NMB: variants seen among roughly 807,000 people sequenced by gnomAD.
The protein encoded by NMB is neuromedin B.
In NMB, 12 loss-of-function variants were observed where a neutral mutation model predicts 11.7. That is an observed-to-expected ratio of 1.03 (90% CI 0.66 to 1.66). The LOEUF (loss-of-function observed/expected upper bound fraction) is 1.66, where lower values mean the gene tolerates loss of function less well. NMB is among the 40% of genes most tolerant of loss of function. The pLI is 0.00. For synonymous variants in NMB, 76 were observed against 72.6 expected, an observed-to-expected ratio of 1.05 and a Z score of -0.24; for missense variants, 174 against 157.9, an observed-to-expected ratio of 1.10 and a Z score of -0.55.
rs780963062 is a variant in NMB at position 84,657,266 on chromosome 15, C to A, written c.240G>T (p.Gln80His). 6.2e-7 allele frequency: 1 copy of A among 1,608,180 alleles called. No individual in the cohort carries two copies. The highest frequency in any genetic ancestry group is 8.5e-7 in the Non-Finnish European group (1 of 1,177,510). ...GCAGATCATGACTCAGCTGCAGTCG[C>A]TGGTCCCTCAGGGAGGTGTGGGGAG... ...GTAPHTSLRD[Q>H]RLQLSHDLLG... The change falls in exon 2 of 3, where the codon CAG (glutamine) becomes CAT (histidine). Residue 80 changes from glutamine (Q) to histidine (H), a missense_variant. Gln to His is a conservative substitution (Grantham distance 24, BLOSUM62 0). This residue lies in a region of NMB where 168 missense variants were observed against 138.4 expected (regional missense o/e 1.21). Transcript: ENST00000360476.
intron 2 of NMB, among the ~76,000 whole-genome samples, chr15:84,656,359 C>T (rs575268129): frequency 2.1e-4 from 32 of 151,992 alleles, no homozygotes; most frequent in Non-Finnish European, 3.5e-4. Flanking sequence ...TGCCACTCAG[C>T]GGGGCTATAC....
chr15:84,657,933 G>C (rs1052599617), intron 1 of NMB, 63 bp downstream of exon 1: 25 of 1,520,848 alleles, frequency 1.6e-5, no homozygotes, highest in Non-Finnish European at 2.1e-5. Flanking sequence ...CCAGAGGGTT[G>C]AGAAGGAAAT....
chr15:84,657,989 G>T lies in NMB; in HGVS notation c.157+7C>A. ...GGCGCTTGCTTGCTCCGTCCCCAAA[G>T]ACTTACCGGTGGCCCAGAGGTTGCC... On this transcript the variant is annotated splice_region_variant and intron_variant, in intron 1 of 2. Transcript: ENST00000360476. 6.3e-7 allele frequency: 1 copy of T among 1,590,568 alleles called. No individual in the cohort carries two copies.
At chr15:84,657,903 T>A in intron 1 of NMB, 93 bp downstream of exon 1, 1 of 1,400,422 alleles carries the variant, frequency 7.1e-7, no homozygotes, top group African/African-American at 1.5e-5. Context: ...CCGACACTAG[T>A]GTCCGTGGCT....
Position 84,657,284 on chromosome 15 carries a change from G to T in NMB, c.222C>A (p.His74Gln). 6.2e-7 allele frequency: 1 copy of T among 1,602,302 alleles called. No individual in the cohort carries two copies. The highest frequency in any genetic ancestry group is 1.1e-5 in the South Asian group (1 of 88,918). The change falls in exon 2 of 3, where the codon CAC (histidine) becomes CAA (glutamine). Residue 74 changes from histidine (H) to glutamine (Q), a missense_variant. His to Gln is a conservative substitution (Grantham distance 24). Around this residue, in one of 2 missense-constraint regions of NMB, gnomAD observed 168 missense variants for 138.4 expected, o/e 1.21. Coordinates refer to ENST00000360476, the MANE Select transcript of NMB (RefSeq NM_021077.4). The part of the protein sequence containing the change: ...SSPSPLGTAP[H>Q]TSLRDQRLQL... ...GCAGTCGCTGGTCCCTCAGGGAGGT[G>T]TGGGGAGCTGTCCCCAATGGGGATG...
At position 84,658,145 on chromosome 15, in the gene NMB, C is replaced by T; in HGVS notation, c.8G>A (p.Arg3Gln). Reference protein sequence around the residue: MARRAGGARMFGS... With the variant: MAQRAGGARMFGS... Reference sequence around the variant, plus strand: ...GAACATCCGAGCGCCCCCCGCCCGCCGGGCCATGGCTGTGCCCGGGCCGCG... The same window carrying T: ...GAACATCCGAGCGCCCCCCGCCCGCTGGGCCATGGCTGTGCCCGGGCCGCG... Residue 3 changes from arginine to glutamine, a missense_variant, in exon 1 of 3, where the codon CGG becomes CAG. Around this residue, in one of 2 missense-constraint regions of NMB, gnomAD observed 168 missense variants for 138.4 expected, o/e 1.21. Coordinates refer to ENST00000360476, the MANE Select transcript of NMB (RefSeq NM_021077.4). 1 of 1,484,476 alleles carries T rather than the reference C, an allele frequency of 6.7e-7. No individual in the cohort carries two copies. Among genetic ancestry groups the T allele is most frequent in the Non-Finnish European group, 8.9e-7 (1 of 1,128,530 alleles). The allele number at this position is 1,484,476 out of a possible 1,614,324, so 92.0% of individuals were successfully genotyped here. A position where few individuals can be genotyped will look rare whatever the true frequency, so the allele number is the denominator to read the frequency against.
chr15:84,657,186 G>T lies in NMB; in HGVS notation c.320C>A (p.Pro107His). Residue 107 changes from proline (P) to histidine (H), a missense_variant, in exon 2 of 3, where the codon CCC becomes CAC. Pro to His is a moderately conservative substitution (Grantham distance 77, BLOSUM62 -2). Coordinates refer to ENST00000360476, the MANE Select transcript of NMB (RefSeq NM_021077.4). ...AGGGGCCCGGCTCACCTGGATTTGGGGTGCGGGGCGGCTGAGGCTCACGCC... is the reference window on the plus strand; with the variant it reads ...AGGGGCCCGGCTCACCTGGATTTGGTGTGCGGGGCGGCTGAGGCTCACGCC... ...ALGVSLSRPAPQIQYRRLLVQ... is the reference protein window; with the variant it reads ...ALGVSLSRPAHQIQYRRLLVQ... 1 of 1,610,446 alleles carries T rather than the reference G, an allele frequency of 6.2e-7. No individual in the cohort carries two copies. The highest frequency in any genetic ancestry group is 8.5e-7 in the Non-Finnish European group (1 of 1,179,064).
Position 84,657,185 on chromosome 15 carries a change from G to C in NMB, c.321C>G (p.Pro107=). The change falls in exon 2 of 3, where the codon CCC becomes CCG. Residue 107 remains proline, a synonymous_variant. Coordinates refer to ENST00000360476, the MANE Select transcript of NMB (RefSeq NM_021077.4). The stretch of plus-strand genomic sequence containing the variant: ...CAGGGGCCCGGCTCACCTGGATTTG[G>C]GGTGCGGGGCGGCTGAGGCTCACGC... ...ALGVSLSRPA[P]QIQYRRLLVQ... is the part of the protein sequence containing the mutation. The C allele has an allele frequency of 1.2e-6, 2 of 1,610,514 alleles. No individual in the cohort carries two copies. The highest frequency in any genetic ancestry group is 1.7e-6 in the Non-Finnish European group (2 of 1,179,100).
intron 2 of NMB, among the ~76,000 whole-genome samples, chr15:84,656,633 T>C (rs991112427): frequency 1.3e-5 from 2 of 151,480 alleles, no homozygotes; most frequent in African/African-American, 2.4e-5. Context: ...TGTACTGAAG[T>C]TGCTAAACCC....
In NMB at chr15:84,657,303, G is replaced by A. The variant is rs139252173; in HGVS notation, c.203C>T (p.Pro68Leu). The change falls in exon 2 of 3, where the codon CCA becomes CTA. Residue 68 changes from proline (P) to leucine (L), a missense_variant. By Grantham distance (98) the Pro-to-Leu change is moderately conservative (BLOSUM62 -3). Transcript: ENST00000360476. ...KKSLEPSSPS[P>L]LGTAPHTSLR... The stretch of plus-strand genomic sequence containing the variant: ...GGAGGTGTGGGGAGCTGTCCCCAAT[G>A]GGGATGGGCTGGAAGGCTCCAGACT... The A allele has an allele frequency of 3.9e-5, 62 of 1,589,388 alleles. No individual in the cohort carries two copies. Among genetic ancestry groups the A allele is most frequent in the Non-Finnish European group, 5.0e-5 (58 of 1,167,522 alleles).
At position 84,657,643 on chromosome 15, in the gene NMB, A is replaced by G. The variant is rs112794011; in HGVS notation, c.158-295T>C. Among the ~76,000 whole-genome samples, 603 of 152,304 alleles carry G rather than the reference A, an allele frequency of 4.0e-3. 4 individuals are homozygous for G. Among genetic ancestry groups the G allele is most frequent in the African/African-American group, 0.014 (573 of 41,544 alleles). ...GTGTGGGCTGCTTGGACAAGGGACG[A>G]AAAAGGGCAGGGTAGGAAGTGGAGA... On this transcript the variant is annotated intron_variant, in intron 1 of 2. Coordinates refer to ENST00000360476, the MANE Select transcript of NMB (RefSeq NM_021077.4).
chr15:84,656,414 G>A (rs1220750819), intron 2 of NMB, among the ~76,000 whole-genome samples: 3 of 151,550 alleles, frequency 2.0e-5, no homozygotes, highest in South Asian at 2.1e-4. Context: ...GAATCCCATA[G>A]ATCAGTGACT....
chr15:84,655,681 C>A (rs1166730135), intron 2 of NMB, among the ~76,000 whole-genome samples: 1 of 152,190 alleles, frequency 6.6e-6, no homozygotes, highest in African/African-American at 2.4e-5. Flanking sequence ...CTAGTGTCAG[C>A]GTCCTCACTC....
intron 2 of NMB, among the ~76,000 whole-genome samples, chr15:84,656,170 T>C (rs1253876364): frequency 1.3e-5 from 2 of 152,156 alleles, no homozygotes; most frequent in Non-Finnish European, 2.9e-5. Flanking sequence ...ATTGAGGCTT[T>C]AGAGAAGTTA....
chr15:84,657,877 G>T, intron 1 of NMB, 119 bp downstream of exon 1: 2 of 1,205,628 alleles, frequency 1.7e-6, no homozygotes, highest in Non-Finnish European at 2.2e-6. Context: ...ATGAGCCCCA[G>T]GGTTTTCCAC....
At chr15:84,657,037 C>T in intron 2 of NMB, 139 bp downstream of exon 2, 2 of 741,332 alleles carry the variant, frequency 2.7e-6, no homozygotes, top group Non-Finnish European at 4.0e-6. Context: ...GGAAACCTGG[C>T]TTTCTGGGGT....
In NMB at chr15:84,655,359, G is replaced by C. The variant is rs753560146; in HGVS notation, c.*15C>G. 5 of 1,614,162 alleles carry C rather than the reference G, an allele frequency of 3.1e-6. No individual in the cohort carries two copies. Among genetic ancestry groups the C allele is most frequent in the Non-Finnish European group, 4.2e-6 (5 of 1,180,012 alleles). ...CAATCTAAGCCACGCTGTTGTGTCT[G>C]CCCCATTATTGGTGTCATTTCTGCA... On this transcript the variant is annotated 3_prime_UTR_variant, in exon 3 of 3. Transcript: ENST00000360476.
Position 84,655,260 on chromosome 15 carries a change from A to G in NMB, c.*114T>C. On this transcript the variant is annotated 3_prime_UTR_variant, in exon 3 of 3. Coordinates refer to ENST00000360476, the MANE Select transcript of NMB (RefSeq NM_021077.4). The stretch of plus-strand genomic sequence containing the variant: ...AGAAATCACAGTAATGGAGTAACAG[A>G]GATTTGAGCTCAGGATTTACATCCA... The G allele has an allele frequency of 6.3e-7, 1 of 1,592,036 alleles. No individual in the cohort carries two copies. Among genetic ancestry groups the G allele is most frequent in the Non-Finnish European group, 8.6e-7 (1 of 1,168,090 alleles).
chr15:84,657,809 G>A (rs987112975), intron 1 of NMB, among the ~76,000 whole-genome samples, 187 bp downstream of exon 1: 5 of 152,174 alleles, frequency 3.3e-5, no homozygotes, highest in Admixed American at 2.0e-4. Flanking sequence ...AACTGGCTGC[G>A]CGACCTTAGC....
Sources: allele counts gnomAD v4.1 joint callset (sites outside exome capture counted in the v4.1 genomes callset), GRCh38; gene constraint gnomAD v4.1.1; regional missense constraint gnomAD v4.1.1; transcripts MANE v1.5; gene names NCBI Gene and HGNC (gene_info 2026-07-23, HGNC 2026-07-21).